ITGA6: variants seen among roughly 807,000 people sequenced by gnomAD.
The protein encoded by ITGA6 is integrin alpha-6.
Under a neutral mutation model 133.6 loss-of-function variants are expected in ITGA6, and 63 were observed. The ratio of observed to expected loss-of-function variants is 0.47; its 90% CI spans 0.38 to 0.58. The LOEUF is 0.58. Ranked by LOEUF, ITGA6 falls within the 20% of genes least tolerant of loss-of-function variation. ITGA6 has a pLI of 0.00. For synonymous variants in ITGA6, 434 were observed against 482.0 expected, an observed-to-expected ratio of 0.90 and a Z score of 1.30; for missense variants, 1,068 against 1,309.4, an observed-to-expected ratio of 0.82 and a Z score of 2.85.
chr2:172,493,236 T>C (rs1186924451), intron 23 of ITGA6, among the ~76,000 whole-genome samples: 3 of 152,070 alleles, frequency 2.0e-5, no homozygotes, highest in Admixed American at 2.0e-4. Context: ...AGACAAATGC[T>C]GTACTGGGCA....
At chr2:172,488,323 A>G (rs1196220662) in intron 19 of ITGA6, 95 bp downstream of exon 19, 4 of 843,928 alleles carry the variant, frequency 4.7e-6, no homozygotes, top group Admixed American at 1.9e-5. Flanking sequence ...AGCAATATTA[A>G]TAAGCATTGT....
chr2:172,468,033 C>G (rs918247838), intron 3 of ITGA6, among the ~76,000 whole-genome samples: 1 of 152,190 alleles, frequency 6.6e-6, no homozygotes, highest in African/African-American at 2.4e-5. Context: ...AGCAATCACA[C>G]AACCTACTTT....
chr2:172,456,380 T>A (rs986595922), intron 1 of ITGA6, among the ~76,000 whole-genome samples: 1 of 152,182 alleles, frequency 6.6e-6, no homozygotes. Context: ...ATTTGAAGCG[T>A]GGTGCTGTTG....
In ITGA6 at chr2:172,505,722, G is replaced by A. The variant is rs1357478718; in HGVS notation, c.*1654G>A. On this transcript the variant is annotated 3_prime_UTR_variant, in exon 26 of 26. Transcript: ENST00000684293. ...CAGTTTGTAGTGCCACTGTTGTTTT[G>A]GGGGGGCTTTTTTCTTTTCGGAAAT... The A allele has an allele frequency of 6.6e-6, 1 of 151,970 alleles. No homozygotes were observed. Among genetic ancestry groups the A allele is most frequent in the Non-Finnish European group, 1.5e-5 (1 of 67,896 alleles). The allele number at this position is 151,970 out of a possible 1,614,324, so 9.4% of individuals were successfully genotyped here.
At chr2:172,497,502 C>CAAAAAAAAA (rs34616494) in intron 23 of ITGA6, among the ~76,000 whole-genome samples, 1 of 89,522 alleles carries the variant, frequency 1.1e-5, no homozygotes. Context: ...ACCCTGTCTC[C>CAAAAAAAAA]AAAAAAAAAA....
chr2:172,430,864 T>C (rs1305037013), intron 1 of ITGA6, among the ~76,000 whole-genome samples: 3 of 152,192 alleles, frequency 2.0e-5, no homozygotes, highest in Non-Finnish European at 4.4e-5. Context: ...TCTTAGGTAG[T>C]TAAGATTGAG....
At chr2:172,448,609 G>A (rs1684861975) in intron 1 of ITGA6, among the ~76,000 whole-genome samples, 1 of 152,204 alleles carries the variant, frequency 6.6e-6, no homozygotes, top group African/African-American at 2.4e-5. Context: ...AGTAGGCTAT[G>A]TTTGTGATTT....
intron 1 of ITGA6, among the ~76,000 whole-genome samples, chr2:172,448,743 A>G (rs1353682965): frequency 6.6e-6 from 1 of 152,192 alleles, no homozygotes; most frequent in Non-Finnish European, 1.5e-5. Context: ...GATTTGTTCC[A>G]CTGTGAATTT....
At chr2:172,487,193 G>C in intron 14 of ITGA6, 55 bp downstream of exon 14, 1 of 1,525,580 alleles carries the variant, frequency 6.6e-7, no homozygotes, top group South Asian at 1.1e-5. Flanking sequence ...TGGTGGCTTT[G>C]TGTTAAGAAA....
At chr2:172,462,902 T>C (rs141081232) in intron 1 of ITGA6, among the ~76,000 whole-genome samples, 2 of 152,156 alleles carry the variant, frequency 1.3e-5, no homozygotes, top group African/African-American at 4.8e-5. Flanking sequence ...GTCCCTCTTC[T>C]CCCTTTTCTC....
intron 1 of ITGA6, among the ~76,000 whole-genome samples, chr2:172,432,626 A>G (rs1574309480): frequency 6.6e-6 from 1 of 152,232 alleles, no homozygotes; most frequent in Non-Finnish European, 1.5e-5. Flanking sequence ...GAAACGCACA[A>G]GACGTTAATT....
intron 1 of ITGA6, among the ~76,000 whole-genome samples, chr2:172,444,978 T>C (rs1684699844): frequency 6.6e-6 from 1 of 151,996 alleles, no homozygotes; most frequent in African/African-American, 2.4e-5. Flanking sequence ...TTTGTTTTGT[T>C]TTGTTTTGAG....
chr2:172,434,827 T>A (rs1471383700), intron 1 of ITGA6, among the ~76,000 whole-genome samples: 1 of 152,096 alleles, frequency 6.6e-6, no homozygotes, highest in African/African-American at 2.4e-5. Flanking sequence ...GAGAGAAACA[T>A]GCTTTCTAAG....
At chr2:172,435,387 C>A (rs185323703) in intron 1 of ITGA6, among the ~76,000 whole-genome samples, 11 of 152,048 alleles carry the variant, frequency 7.2e-5, no homozygotes, top group Non-Finnish European at 1.3e-4. Flanking sequence ...ATATATCTTG[C>A]GGGTGATGGC....
chr2:172,484,459 G>A (rs1031389368), intron 11 of ITGA6, among the ~76,000 whole-genome samples: 2 of 152,182 alleles, frequency 1.3e-5, no homozygotes, highest in African/African-American at 2.4e-5. Context: ...TCTGCTTATC[G>A]TTAGTATTCT....
rs551897893 is a variant in ITGA6, at chr2:172,427,653, C to G, written c.-136C>G. On this transcript the variant is annotated 5_prime_UTR_variant, in exon 1 of 26. Coordinates refer to ENST00000684293, the MANE Select transcript of ITGA6 (RefSeq NM_000210.4). ...CGGCCGGACGGAGAGCGCGACCCGTCCCGGGGGTGGGGCCGGGCGCAGCGG... is the reference window on the plus strand; with the variant it reads ...CGGCCGGACGGAGAGCGCGACCCGTGCCGGGGGTGGGGCCGGGCGCAGCGG... The G allele has an allele frequency of 3.0e-6, 4 of 1,314,106 alleles. No individual in the cohort carries two copies. In the African/African-American group the frequency reaches 6.2e-5, roughly 20 times the overall value. 81.4% of individuals were successfully genotyped at this position (1,314,106 alleles called of 1,614,324 possible).
chr2:172,479,409 C>G (rs898742276), intron 9 of ITGA6, among the ~76,000 whole-genome samples: 1 of 152,172 alleles, frequency 6.6e-6, no homozygotes, highest in African/African-American at 2.4e-5. Context: ...TGCACATGTA[C>G]TCATAAGTGT....
At chr2:172,466,679 C>A (rs1416752227) in intron 2 of ITGA6, among the ~76,000 whole-genome samples, 2 of 152,146 alleles carry the variant, frequency 1.3e-5, no homozygotes, top group African/African-American at 4.8e-5. Context: ...TTTTAAGAAG[C>A]TGGTAAAATA....
At position 172,491,382 on chromosome 2, in the gene ITGA6, G is replaced by C; in HGVS notation, c.2890-43G>C. ...CATGGAAGTAATTTGCCTTTGCCTAGGACACTTTTCACTTCCCTAATGCAT... is the reference window on the plus strand; with the variant it reads ...CATGGAAGTAATTTGCCTTTGCCTACGACACTTTTCACTTCCCTAATGCAT... On this transcript the variant is annotated intron_variant, in intron 22 of 25. Coordinates refer to ENST00000684293, the MANE Select transcript of ITGA6 (RefSeq NM_000210.4). The surrounding 1 kb of genome is among the most constrained non-coding windows in gnomAD (Gnocchi z 4.4). 1 of 1,580,492 alleles carries C rather than the reference G, an allele frequency of 6.3e-7. No individual in the cohort carries two copies. Among genetic ancestry groups the C allele is most frequent in the Middle Eastern group, 1.7e-4 (1 of 5,996 alleles).
Sources: allele counts gnomAD v4.1 joint callset (sites outside exome capture counted in the v4.1 genomes callset), GRCh38; gene constraint gnomAD v4.1.1; non-coding constraint Gnocchi (gnomAD v3.1); transcripts MANE v1.5; gene names NCBI Gene and HGNC (gene_info 2026-07-23, HGNC 2026-07-21).